CCDC192: variants seen among roughly 807,000 people sequenced by gnomAD.
CCDC192 encodes coiled-coil domain-containing protein 192.
Position 127,813,372 on chromosome 5 carries a change from A to C in CCDC192, c.411+15210A>C, listed in dbSNP as rs73783979. ...TAAATTTTTGTATAGTTTCCTAAAA[A>C]TCATTGAGGATATCAATACCCTCTT... On this transcript the variant is annotated intron_variant, in intron 5 of 6. Coordinates refer to ENST00000514853, the MANE Select transcript of CCDC192 (RefSeq NM_001317938.2). 2.4e-3 allele frequency among the ~76,000 whole-genome samples: 359 copies of C among 152,318 alleles called. 2 individuals carry two copies. Among genetic ancestry groups the C allele is most frequent in the African/African-American group, 8.2e-3 (339 of 41,564 alleles).
intron 2 of CCDC192, among the ~76,000 whole-genome samples, chr5:127,736,848 C>T (rs1030459946): frequency 1.3e-5 from 2 of 149,890 alleles, no homozygotes; most frequent in African/African-American, 5.0e-5. Context: ...TGCTAGCGGT[C>T]TATCAATTTT....
chr5:127,915,795 A>G (rs182928039), intron 6 of CCDC192, among the ~76,000 whole-genome samples: 100 of 152,226 alleles, frequency 6.6e-4, no homozygotes, highest in Non-Finnish European at 1.0e-3. Flanking sequence ...TCTTCTTCCA[A>G]TGTGGCCTAA....
At chr5:127,911,626 A>G (rs1753353774) in intron 6 of CCDC192, among the ~76,000 whole-genome samples, 1 of 152,134 alleles carries the variant, frequency 6.6e-6, no homozygotes. Context: ...TAAACTTACT[A>G]AACAATGTAC....
intron 2 of CCDC192, among the ~76,000 whole-genome samples, chr5:127,753,469 G>A (rs926228049): frequency 9.2e-5 from 14 of 152,014 alleles, no homozygotes; most frequent in African/African-American, 1.2e-4. Context: ...AGGCTGAGGC[G>A]GGCAGATCAC....
intron 5 of CCDC192, among the ~76,000 whole-genome samples, chr5:127,832,611 A>G (rs1019840451): frequency 6.6e-6 from 1 of 152,130 alleles, no homozygotes; most frequent in African/African-American, 2.4e-5. Context: ...CTCTGGGGGG[A>G]ATAAAAGGGA....
At chr5:127,734,366 G>A (rs1752839224) in intron 2 of CCDC192, among the ~76,000 whole-genome samples, 1 of 151,942 alleles carries the variant, frequency 6.6e-6, no homozygotes, top group African/African-American at 2.4e-5. Context: ...TTGCTATTGG[G>A]AATAATGCCG....
At chr5:127,922,263 A>G (rs1274272035) in intron 6 of CCDC192, among the ~76,000 whole-genome samples, 1 of 152,202 alleles carries the variant, frequency 6.6e-6, no homozygotes, top group Non-Finnish European at 1.5e-5. Flanking sequence ...TATCTTCTAG[A>G]TAACATTATT....
chr5:127,885,285 G>A (rs1195333581), intron 6 of CCDC192, among the ~76,000 whole-genome samples: 34 of 152,066 alleles, frequency 2.2e-4, no homozygotes, highest in Non-Finnish European at 8.8e-5. Context: ...GTACTGCTTG[G>A]GAATGCTGCT....
At chr5:127,888,708 C>T (rs1227031124) in intron 6 of CCDC192, among the ~76,000 whole-genome samples, 2 of 152,174 alleles carry the variant, frequency 1.3e-5, no homozygotes, top group East Asian at 1.9e-4. Context: ...ATCTAAGACA[C>T]TGTCAAAGAA....
chr5:127,732,004 C>T (rs538357099), intron 2 of CCDC192, among the ~76,000 whole-genome samples: 6 of 152,198 alleles, frequency 3.9e-5, no homozygotes, highest in African/African-American at 1.4e-4. Flanking sequence ...CAAATGGGAT[C>T]TAATTAAACT....
chr5:127,863,366 G>A (rs145206812), intron 5 of CCDC192, among the ~76,000 whole-genome samples: 42 of 152,198 alleles, frequency 2.8e-4, no homozygotes, highest in Non-Finnish European at 2.9e-5. Context: ...CATAAATAAA[G>A]TGCTAGATTT....
At chr5:127,762,794 T>C (rs1755003775) in intron 3 of CCDC192, among the ~76,000 whole-genome samples, 1 of 152,202 alleles carries the variant, frequency 6.6e-6, no homozygotes, top group Non-Finnish European at 1.5e-5. Flanking sequence ...ACCTGTATTT[T>C]GTTCATGAGA....
chr5:127,709,122 AGG>A (rs1491218009), intron 2 of CCDC192, among the ~76,000 whole-genome samples: 52 of 126,710 alleles, frequency 4.1e-4, no homozygotes, highest in East Asian at 2.0e-3. Flanking sequence ...AGAGAGAGAG[AGG>A]GAGAGGGAGA....
chr5:127,800,396 A>AAAAAC (rs1757433296), intron 5 of CCDC192, among the ~76,000 whole-genome samples: 3 of 127,972 alleles, frequency 2.3e-5, no homozygotes, highest in South Asian at 5.9e-4. Flanking sequence ...AAAAAAAAAA[A>AAAAAC]AAAAACAACA....
At chr5:127,821,202 G>A (rs542729633) in intron 5 of CCDC192, among the ~76,000 whole-genome samples, 15 of 152,286 alleles carry the variant, frequency 9.8e-5, no homozygotes, top group African/African-American at 3.1e-4. Flanking sequence ...GCATCCTTTC[G>A]ACATGGCCTT....
intron 2 of CCDC192, among the ~76,000 whole-genome samples, chr5:127,728,013 A>G (rs549011841): frequency 1.3e-5 from 2 of 152,266 alleles, no homozygotes; most frequent in Admixed American, 6.5e-5. Flanking sequence ...GAAAAGGAAT[A>G]AACAAAACCT....
At chr5:127,929,068 G>A (rs1348715836) in intron 6 of CCDC192, among the ~76,000 whole-genome samples, 1 of 152,096 alleles carries the variant, frequency 6.6e-6, no homozygotes, top group African/African-American at 2.4e-5. Context: ...CCCGGACTCA[G>A]CCATGTTATT....
chr5:127,746,414 C>T (rs187444666), intron 2 of CCDC192, among the ~76,000 whole-genome samples: 1 of 152,286 alleles, frequency 6.6e-6, no homozygotes, highest in East Asian at 1.9e-4. Context: ...GCTGAGTCTA[C>T]TCATACAAAT....
chr5:127,786,579 ACATATTCCTTT>A (rs1756550882), intron 3 of CCDC192: 1 of 711,766 alleles, frequency 1.4e-6, no homozygotes, highest in African/African-American at 1.7e-5. Flanking sequence ...AATAGATTTC[ACATATTCCTTT>A]CGTCCTTTGT....
Sources: gnomAD v4.1 joint callset for allele counts (sites outside exome capture counted in the v4.1 genomes callset) on GRCh38, gnomAD v4.1.1 for gene constraint, MANE v1.5 for transcripts, NCBI Gene and HGNC (gene_info 2026-07-23, HGNC 2026-07-21) for gene names.